Variants in MICU3 observed in about 807,000 individuals in gnomAD.
The protein encoded by MICU3 is mitochondrial calcium uptake 3, also known as calcium uptake protein 3, mitochondrial.
In MICU3, 62 loss-of-function variants were observed where a neutral mutation model predicts 66.5. That is an observed-to-expected ratio of 0.93 (90% CI 0.76 to 1.15). The LOEUF is 1.15. Among genes scored for constraint, MICU3 ranks in the 50% most tolerant of loss-of-function variants. The pLI, the probability that MICU3 is intolerant of heterozygous loss-of-function variation, is 0.00. For missense variants in MICU3, 779 were observed against 664.4 expected, an observed-to-expected ratio of 1.17 and a Z score of -1.90; for synonymous variants, 308 against 240.7, an observed-to-expected ratio of 1.28 and a Z score of -2.59.
At position 17,105,479 on chromosome 8, in the gene MICU3, T is replaced by C. The variant is rs1316129815; in HGVS notation, c.1152T>C (p.Asn384=). ...IEFLSYSNGM[N]TISEEDFAHI... ...TCCTTTCCTACTCAAATGGAATGAA[T>C]ACCATCAGTGAAGAAGATTTTGCTC... The change falls in exon 11 of 15, where the codon AAT becomes AAC. Residue 384 remains asparagine (N), a synonymous_variant. Transcript: ENST00000318063. The C allele has an allele frequency of 1.9e-6, 3 of 1,576,246 alleles. No homozygotes were observed. The Admixed American group carries it at 5.5e-5, about 29-fold the overall frequency.
intron 1 of MICU3, among the ~76,000 whole-genome samples, chr8:17,047,018 G>A (rs1036554262): frequency 2.0e-5 from 3 of 152,124 alleles, no homozygotes; most frequent in East Asian, 1.9e-4. Flanking sequence ...GAATGAGCTC[G>A]TAATCCAAAG....
chr8:17,049,623 G>A (rs377087486), intron 1 of MICU3: 177 of 518,614 alleles, frequency 3.4e-4, no homozygotes, highest in African/African-American at 1.4e-3. Flanking sequence ...AACGTAGGCC[G>A]GAAGGATTGC....
intron 11 of MICU3, among the ~76,000 whole-genome samples, chr8:17,110,560 C>T (rs1802101150): frequency 6.6e-6 from 1 of 151,938 alleles, no homozygotes. Flanking sequence ...TTTTATTATT[C>T]ACTTAAATTT....
intron 8 of MICU3, among the ~76,000 whole-genome samples, chr8:17,095,013 G>A (rs950616459): frequency 5.9e-5 from 9 of 151,862 alleles, no homozygotes; most frequent in Admixed American, 3.9e-4. Flanking sequence ...AAATTTCAGC[G>A]GTTAAATTTC....
intron 1 of MICU3, among the ~76,000 whole-genome samples, chr8:17,049,396 G>T (rs1408239121): frequency 6.6e-6 from 1 of 152,098 alleles, no homozygotes; most frequent in Non-Finnish European, 1.5e-5. Flanking sequence ...CACTATTTCT[G>T]GACCTAGCTA....
chr8:17,097,366 T>G (rs1176534365), intron 8 of MICU3, among the ~76,000 whole-genome samples: 1 of 151,754 alleles, frequency 6.6e-6, no homozygotes, highest in Non-Finnish European at 1.5e-5. Context: ...CTCTGTCAAT[T>G]TGCTACATTT....
intron 1 of MICU3, among the ~76,000 whole-genome samples, chr8:17,033,695 C>G (rs1812475548): frequency 1.3e-5 from 2 of 152,212 alleles, no homozygotes; most frequent in South Asian, 4.1e-4. Flanking sequence ...ACTTGGCCTC[C>G]CAAATTGCTG....
At chr8:17,088,820 G>C (rs762136551) in intron 7 of MICU3, among the ~76,000 whole-genome samples, 11 of 152,020 alleles carry the variant, frequency 7.2e-5, no homozygotes, top group Non-Finnish European at 1.3e-4. Flanking sequence ...ATTTGGCTCT[G>C]AGCGTCACTG....
intron 11 of MICU3, among the ~76,000 whole-genome samples, chr8:17,109,837 A>C (rs1049720423): frequency 5.3e-5 from 8 of 152,212 alleles, no homozygotes; most frequent in African/African-American, 1.9e-4. Context: ...GACTTCTCAT[A>C]CTAACCATGT....
the MICU3 span, chr8:17,134,258 T>C: frequency 6.6e-6 from 1 of 152,144 alleles, no homozygotes; most frequent in Non-Finnish European, 1.5e-5. Context: ...AGCTGGAGAC[T>C]CAGGTGAGCA....
At chr8:17,090,473 CT>C (rs1563361873) in intron 7 of MICU3, 72 bp from the exon 8 acceptor site, 1 of 1,358,270 alleles carries the variant, frequency 7.4e-7, no homozygotes, top group Admixed American at 2.1e-5. Flanking sequence ...CGTCTTTTTC[CT>C]TTTTTCTTTT....
At chr8:17,087,139 T>G in intron 7 of MICU3, 104 bp downstream of exon 7, 1 of 784,232 alleles carries the variant, frequency 1.3e-6, no homozygotes, top group South Asian at 1.8e-5. Context: ...AGCTGTCCCT[T>G]TCTTGAAAAC....
At chr8:17,135,564 C>T in the MICU3 span, among the ~76,000 whole-genome samples, 1 of 152,020 alleles carries the variant, frequency 6.6e-6, no homozygotes, top group Non-Finnish European at 1.5e-5. Flanking sequence ...ATATTACATG[C>T]AAACTAAGGC....
Position 17,118,785 on chromosome 8 carries a change from C to T in MICU3, c.*10C>T. 2 of 1,581,700 alleles carry T rather than the reference C, an allele frequency of 1.3e-6. No homozygotes were observed. The highest frequency in any genetic ancestry group is 1.3e-5 in the African/African-American group (1 of 74,358). ...ACTTCACAGCAGATAAGTATGTTAG[C>T]TTCTATTTGTCTAAATTTGTTCAGT... On this transcript the variant is annotated intron_variant, in intron 14 of 14. Transcript: ENST00000318063.
At chr8:17,123,674 T>C (rs974373452), downstream of MICU3, among the ~76,000 whole-genome samples, 4 of 152,044 alleles carry the variant, frequency 2.6e-5, no homozygotes, top group Non-Finnish European at 2.9e-5. Context: ...GACTATCATA[T>C]CCCAATACAT....
intron 1 of MICU3, 34 bp from the exon 2 acceptor site, chr8:17,064,050 C>T (rs1818289290): frequency 5.7e-6 from 9 of 1,574,870 alleles, no homozygotes; most frequent in Non-Finnish European, 6.1e-6. Flanking sequence ...TATTACTTCA[C>T]ATCATCCAAA....
At chr8:17,111,656 A>C (rs972168572) in intron 11 of MICU3, among the ~76,000 whole-genome samples, 1 of 152,128 alleles carries the variant, frequency 6.6e-6, no homozygotes, top group Admixed American at 6.5e-5. Flanking sequence ...TTAACTATTA[A>C]ATTTAGAACT....
intron 1 of MICU3, among the ~76,000 whole-genome samples, chr8:17,038,036 T>C (rs1813346465): frequency 6.6e-6 from 1 of 152,230 alleles, no homozygotes; most frequent in African/African-American, 2.4e-5. Flanking sequence ...GCTTTTGATT[T>C]TATAGGCTCA....
rs1803157936 is a variant in MICU3, at chr8:17,121,022, A to G, written c.*735A>G. 1 of 151,944 alleles carries G rather than the reference A, an allele frequency of 6.6e-6. No individual in the cohort carries two copies. Among genetic ancestry groups the G allele is most frequent in the Non-Finnish European group, 1.5e-5 (1 of 67,830 alleles). The allele number at this position is 151,944 out of a possible 1,614,324, so 9.4% of individuals were successfully genotyped here. A position where few individuals can be genotyped will look rare whatever the true frequency, so the allele number is the denominator to read the frequency against. On this transcript the variant is annotated 3_prime_UTR_variant, in exon 15 of 15. Transcript: ENST00000318063. ...TAGAATTTTCCTCCCCCAAAAAGTC[A>G]TGTGTTGATAGTAGAAGCAGTGGTA... is the stretch of plus-strand genomic sequence containing the variant.
Sources: gnomAD v4.1 joint callset for allele counts (sites outside exome capture counted in the v4.1 genomes callset) on GRCh38, gnomAD v4.1.1 for gene constraint, MANE v1.5 for transcripts, NCBI Gene and HGNC (gene_info 2026-07-23, HGNC 2026-07-21) for gene names.